The following CCDC39 variants were observed in gnomAD, a reference collection of about 807,000 sequenced individuals.
CCDC39 encodes coiled-coil domain 39 molecular ruler complex subunit.
In CCDC39, 113 loss-of-function variants were observed where a neutral mutation model predicts 121.0. The ratio of observed to expected loss-of-function variants is 0.93; its 90% CI spans 0.80 to 1.09. The LOEUF is 1.09. CCDC39 is among the 50% of genes least tolerant of loss of function. The pLI, the probability that CCDC39 is intolerant of heterozygous loss-of-function variation, is 0.00. For synonymous variants in CCDC39, 349 were observed against 352.2 expected (o/e 0.99, Z 0.10); for missense variants, 1,063 against 1,074.7 (o/e 0.99, Z 0.15).
rs1185863452 is a variant in CCDC39 at position 180,620,692 on chromosome 3, TC to T, written c.1999-723del. On this transcript the variant is annotated intron_variant, in intron 14 of 19. Transcript: ENST00000476379. ...TTTTTAGTCAAAATCACTAATAATT[TC>T]ATTTAAATTTATTCAGTTCTTAGAT... Among the ~76,000 whole-genome samples the T allele has an allele frequency of 1.3e-4, 20 of 152,188 alleles. 2 individuals carry two copies. Among genetic ancestry groups the T allele is most frequent in the African/African-American group, 4.8e-4 (20 of 41,558 alleles).
chr3:180,643,648 C>T (rs1718009541), intron 12 of CCDC39, among the ~76,000 whole-genome samples: 1 of 152,036 alleles, frequency 6.6e-6, no homozygotes, highest in South Asian at 2.1e-4. Context: ...TTTCAAGACG[C>T]TAAAAATATT....
Position 180,631,487 on chromosome 3 carries a change from C to A in CCDC39, c.1980G>T (p.Gln660His). The A allele has an allele frequency of 6.2e-7, 1 of 1,605,958 alleles. No individual in the cohort carries two copies. Among genetic ancestry groups the A allele is most frequent in the South Asian group, 1.1e-5 (1 of 90,912 alleles). The change falls in exon 14 of 20, where the codon CAG becomes CAT. Residue 660 changes from glutamine (Q) to histidine (H), a missense_variant. By Grantham distance (24) the Gln-to-His change is conservative. Transcript: ENST00000476379. ...LPPEGEEEKTQAYYVIKAAQE... is the reference protein window; with the variant it reads ...LPPEGEEEKTHAYYVIKAAQE... ...AAATTACCTTTATTACATAATAGGC[C>A]TGTGTTTTCTCCTCTTCTCCTTCAG... is the stretch of plus-strand genomic sequence containing the variant.
intron 7 of CCDC39, 102 bp from the exon 8 acceptor site, chr3:180,652,368 T>C (rs1307044386): frequency 3.3e-6 from 2 of 611,690 alleles, no homozygotes; most frequent in Non-Finnish European, 5.4e-6. Context: ...CTAACCTACA[T>C]CACACCCACA....
chr3:180,644,409 G>A (rs988063518), intron 11 of CCDC39, among the ~76,000 whole-genome samples, 152 bp from the exon 12 acceptor site: 1 of 152,032 alleles, frequency 6.6e-6, no homozygotes, highest in Admixed American at 6.6e-5. Flanking sequence ...TGCTATGTCT[G>A]TAATATAATA....
At chr3:180,627,911 T>C (rs568334702) in intron 14 of CCDC39, among the ~76,000 whole-genome samples, 16 of 152,280 alleles carry the variant, frequency 1.1e-4, no homozygotes, top group African/African-American at 3.6e-4. Flanking sequence ...TTTGCAGATA[T>C]AGTCAAGTTA....
At chr3:180,617,114 C>T (rs554216694) in intron 16 of CCDC39, 148 bp from the exon 17 acceptor site, 16 of 563,482 alleles carry the variant, frequency 2.8e-5, no homozygotes, top group African/African-American at 5.8e-5. Context: ...AATGACATCT[C>T]GGTCAATGAT....
intron 14 of CCDC39, among the ~76,000 whole-genome samples, chr3:180,625,056 C>A (rs920836705): frequency 2.0e-5 from 3 of 152,038 alleles, no homozygotes; most frequent in Admixed American, 6.5e-5. Context: ...TCTTGTGTCT[C>A]GGCGTCTAAC....
chr3:180,643,362 A>G (rs183011535), intron 12 of CCDC39, among the ~76,000 whole-genome samples: 12 of 152,164 alleles, frequency 7.9e-5, no homozygotes, highest in Admixed American at 7.2e-4. Context: ...AGCTCCAAAG[A>G]AAAAAAATAT....
chr3:180,654,952 T>C lies in CCDC39; in HGVS notation c.740A>G (p.Glu247Gly), dbSNP rs774151163. 5 of 1,527,924 alleles carry C rather than the reference T, an allele frequency of 3.3e-6. No individual in the cohort carries two copies. The South Asian group carries it at 5.3e-5, about 16-fold the overall frequency. 94.6% of individuals were successfully genotyped at this position (1,527,924 alleles called of 1,614,324 possible). ...RDGDIDNCAL[E>G]LARIKQETRE... ...CGTTTCCTGCTTTATCCTTGCTAAT[T>C]CCTAGGATTAAAACAAATATGTTTA... The change falls in exon 7 of 20, where the codon GAA (glutamate) becomes GGA (glycine). Residue 247 changes from glutamate (E) to glycine (G), a missense_variant and splice_region_variant. Transcript: ENST00000476379.
intron 2 of CCDC39, among the ~76,000 whole-genome samples, chr3:180,662,301 C>T (rs1192916397): frequency 1.3e-5 from 2 of 151,892 alleles, no homozygotes; most frequent in African/African-American, 4.8e-5. Flanking sequence ...TTCAGTTAGA[C>T]TTAAAACTTA....
Position 180,679,417 on chromosome 3 carries a change from C to A in CCDC39, c.-37G>T. 8 of 1,587,830 alleles carry A rather than the reference C, an allele frequency of 5.0e-6. No homozygotes were observed. The highest frequency in any genetic ancestry group is 2.2e-5 in the East Asian group (1 of 44,742). On this transcript the variant is annotated 5_prime_UTR_variant, in exon 1 of 20. Coordinates refer to ENST00000476379, the MANE Select transcript of CCDC39 (RefSeq NM_181426.2). This position sits in a 1 kb window ranked among gnomAD's most constrained non-coding sequence, Gnocchi z 4.0. Reference sequence around the variant, plus strand: ...GATAGAGAAGATACAGAGCAAAGATCCGCCTTCTTGTACAGCGGGTGAGCA... The same window carrying A: ...GATAGAGAAGATACAGAGCAAAGATACGCCTTCTTGTACAGCGGGTGAGCA...
At chr3:180,627,291 A>C (rs576837442) in intron 14 of CCDC39, among the ~76,000 whole-genome samples, 1 of 152,362 alleles carries the variant, frequency 6.6e-6, no homozygotes, top group African/African-American at 2.4e-5. Context: ...AAAATTATAG[A>C]AATTATATCT....
At chr3:180,627,404 A>G (rs964966003) in intron 14 of CCDC39, among the ~76,000 whole-genome samples, 5 of 152,196 alleles carry the variant, frequency 3.3e-5, no homozygotes, top group Admixed American at 3.3e-4. Flanking sequence ...GTTGTGGACT[A>G]CTGGGTCAGT....
intron 13 of CCDC39, 132 bp downstream of exon 13, chr3:180,641,861 G>A (rs901006971): frequency 1.3e-5 from 7 of 554,444 alleles, no homozygotes; most frequent in Non-Finnish European, 2.2e-5. Flanking sequence ...CATGCCCTAT[G>A]TCTTTCTTAT....
Position 180,634,844 on chromosome 3 carries a change from A to G in CCDC39, c.1875-3252T>C, listed in dbSNP as rs368433136. ...ATATACCCCTGTGAAACCAAAGATA[A>G]GAAGTCAGCTACAAATAAAGACCCC... On this transcript the variant is annotated intron_variant, in intron 13 of 19. Coordinates refer to ENST00000476379, the MANE Select transcript of CCDC39 (RefSeq NM_181426.2). 4.6e-5 allele frequency among the ~76,000 whole-genome samples: 7 copies of G among 152,224 alleles called. No homozygotes were observed. In the East Asian group the frequency reaches 1.2e-3, roughly 25 times the overall value.
intron 1 of CCDC39, among the ~76,000 whole-genome samples, chr3:180,664,848 C>G (rs1711834044): frequency 7.1e-6 from 1 of 141,018 alleles, no homozygotes; most frequent in Non-Finnish European, 1.5e-5. Context: ...AGGTGCCCAC[C>G]ACTACACCTG....
In CCDC39 at chr3:180,664,969, A is replaced by G. The variant is rs549600480; in HGVS notation, c.91-983T>C. Among the ~76,000 whole-genome samples, 11 of 152,054 alleles carry G rather than the reference A, an allele frequency of 7.2e-5. No individual in the cohort carries two copies. In the South Asian group the frequency reaches 1.7e-3, roughly 23 times the overall value. On this transcript the variant is annotated intron_variant, in intron 1 of 19. Coordinates refer to ENST00000476379, the MANE Select transcript of CCDC39 (RefSeq NM_181426.2). ...GTGATCTGCCCACCTCAGCCTCCCA[A>G]TGTGCTGGGATTACAGGCATGAGCC...
chr3:180,671,235 T>C (rs61464629), intron 1 of CCDC39, among the ~76,000 whole-genome samples: 4,101 of 149,376 alleles, frequency 0.027, 228 homozygotes, highest in African/African-American at 0.097. Context: ...AAAAAAAAGT[T>C]ATCACTCCTT....
At chr3:180,652,036 CAA>C (rs1186875684) in intron 8 of CCDC39, 125 bp downstream of exon 8, 2,379 of 458,130 alleles carry the variant, frequency 5.2e-3, no homozygotes, top group East Asian at 6.5e-3. Context: ...GACTCCCTCT[CAA>C]AAAAAAAAAA....
Sources: gnomAD v4.1 joint callset for allele counts (sites outside exome capture counted in the v4.1 genomes callset) on GRCh38, gnomAD v4.1.1 for gene constraint, Gnocchi (gnomAD v3.1) non-coding constraint, MANE v1.5 for transcripts, NCBI Gene and HGNC (gene_info 2026-07-23, HGNC 2026-07-21) for gene names.